The following EBF1 variants were observed in gnomAD, a reference collection of about 807,000 sequenced individuals.
EBF1 encodes EBF transcription factor 1, also known as transcription factor COE1.
A neutral mutation model predicts 68.4 loss-of-function variants in EBF1; 10 were observed. The ratio of observed to expected loss-of-function variants is 0.15; its 90% confidence interval spans 0.09 to 0.25. The LOEUF is 0.25. Among genes scored for constraint, EBF1 ranks in the 10% least tolerant of loss-of-function variants. EBF1 has a pLI of 1.00. For synonymous variants in EBF1, 298 were observed against 299.8 expected, an observed-to-expected ratio of 0.99 and a Z score of 0.06; for missense variants, 509 against 794.4, an observed-to-expected ratio of 0.64 and a Z score of 4.32.
chr5:158,703,419 T>C (rs900960469), intron 15 of EBF1, among the ~76,000 whole-genome samples: 8 of 152,186 alleles, frequency 5.3e-5, no homozygotes, highest in Non-Finnish European at 1.2e-4. Flanking sequence ...GCAAACAAGT[T>C]TGCCAAACTA....
intron 6 of EBF1, among the ~76,000 whole-genome samples, chr5:158,947,915 CA>C: frequency 6.6e-6 from 1 of 152,330 alleles, no homozygotes. Context: ...ACTCCATTAA[CA>C]ACCAGCTTTT....
chr5:158,787,272 A>G (rs965231932), intron 9 of EBF1, among the ~76,000 whole-genome samples: 5 of 152,140 alleles, frequency 3.3e-5, no homozygotes, highest in Non-Finnish European at 5.9e-5. Flanking sequence ...ACAGTAATAT[A>G]GTTCTGTGTT....
intron 6 of EBF1, among the ~76,000 whole-genome samples, chr5:158,972,893 CTG>C (rs1755932024): frequency 2.0e-5 from 3 of 152,224 alleles, no homozygotes; most frequent in Non-Finnish European, 2.9e-5. Flanking sequence ...CTTTCCTGCC[CTG>C]TGTTTGCTTC....
rs529924917 is a variant in EBF1, at chr5:158,907,292, G to A, written c.555-67182C>T. On this transcript the variant is annotated intron_variant, in intron 6 of 15. Coordinates refer to ENST00000313708, the MANE Select transcript of EBF1 (RefSeq NM_024007.5). ...ACTCACAGGGTGGCATTAGTATGGTGTTCTTAGCTCTAAAAAGCCACCAAA... is the reference window on the plus strand; with the variant it reads ...ACTCACAGGGTGGCATTAGTATGGTATTCTTAGCTCTAAAAAGCCACCAAA... 5.9e-5 allele frequency among the ~76,000 whole-genome samples: 9 copies of A among 152,312 alleles called. No individual in the cohort carries two copies. The South Asian group carries it at 1.5e-3, about 25-fold the overall frequency.
At chr5:158,894,085 C>T (rs1801709454) in intron 6 of EBF1, among the ~76,000 whole-genome samples, 1 of 152,048 alleles carries the variant, frequency 6.6e-6, no homozygotes, top group South Asian at 2.1e-4. Flanking sequence ...TACTAAAACT[C>T]CTGCAAATGA....
chr5:159,053,589 C>CCTCT (rs749364237), intron 6 of EBF1, among the ~76,000 whole-genome samples: 6 of 147,422 alleles, frequency 4.1e-5, no homozygotes, highest in Middle Eastern at 3.5e-3. Flanking sequence ...CCCCTCTCTC[C>CCTCT]CTCTCTCTCT....
chr5:159,080,669 A>G (rs764992239), intron 5 of EBF1, among the ~76,000 whole-genome samples: 1 of 152,246 alleles, frequency 6.6e-6, no homozygotes, highest in Non-Finnish European at 1.5e-5. Context: ...ATAACAGTAG[A>G]TATTCAGTAC....
In EBF1 at chr5:158,839,615, TCAAA is replaced by T. The variant is rs555262740; in HGVS notation, c.636+410_636+413del. 5.9e-3 allele frequency among the ~76,000 whole-genome samples: 897 copies of T among 152,336 alleles called. 13 individuals are homozygous for T. Among genetic ancestry groups the T allele is most frequent in the African/African-American group, 0.021 (861 of 41,576 alleles). ...CCAGGCTGGTCTTGAACTCTTAAAC[TCAAA>T]CAATCTGCCTACCTTAGCCTCCCAA... is the stretch of plus-strand genomic sequence containing the variant. On this transcript the variant is annotated intron_variant, in intron 7 of 15. Transcript: ENST00000313708.
At chr5:158,863,851 A>C (rs1795389611) in intron 6 of EBF1, among the ~76,000 whole-genome samples, 1 of 152,188 alleles carries the variant, frequency 6.6e-6, no homozygotes, top group Non-Finnish European at 1.5e-5. Flanking sequence ...AAATGATGCC[A>C]AAGTCTCATG....
At chr5:159,004,533 AGTAGGTAGGTAG>A (rs35066031) in intron 6 of EBF1, among the ~76,000 whole-genome samples, 95 of 150,498 alleles carry the variant, frequency 6.3e-4, no homozygotes, top group African/African-American at 1.1e-3. Flanking sequence ...ACAGAGAGGT[AGTAGGTAGGTAG>A]GTAGGTAGGT....
chr5:158,719,873 A>C (rs1020792378), intron 11 of EBF1, among the ~76,000 whole-genome samples: 4 of 152,226 alleles, frequency 2.6e-5, no homozygotes, highest in Middle Eastern at 3.4e-3. Flanking sequence ...GCTTGGCTTT[A>C]TGCTTACCCA....
chr5:158,866,869 ATATATATATATATATATATATATAT>A (rs1796010358), intron 6 of EBF1, among the ~76,000 whole-genome samples: 1 of 95,642 alleles, frequency 1.0e-5, no homozygotes, highest in Non-Finnish European at 2.2e-5. Flanking sequence ...ATATATATAT[ATATATATATATATATATATATATAT>A]AAAGCCACAT....
intron 4 of EBF1, among the ~76,000 whole-genome samples, chr5:159,090,971 T>C (rs904964739): frequency 1.4e-4 from 22 of 152,118 alleles, no homozygotes; most frequent in African/African-American, 5.1e-4. Flanking sequence ...ATTCCAAACA[T>C]TGATGTATTT....
chr5:159,049,654 G>T (rs987237682), intron 6 of EBF1, among the ~76,000 whole-genome samples: 4 of 152,180 alleles, frequency 2.6e-5, no homozygotes, highest in African/African-American at 9.7e-5. Flanking sequence ...CCCCAGAATT[G>T]CTGTCCCTTT....
intron 15 of EBF1, among the ~76,000 whole-genome samples, chr5:158,703,408 G>A (rs1226352106): frequency 6.6e-6 from 1 of 152,042 alleles, no homozygotes; most frequent in Non-Finnish European, 1.5e-5. Flanking sequence ...GGACTCTGTA[G>A]GCAAACAAGT....
chr5:159,078,921 G>A (rs1219571139), intron 5 of EBF1, among the ~76,000 whole-genome samples: 1 of 152,144 alleles, frequency 6.6e-6, no homozygotes, highest in East Asian at 1.9e-4. Flanking sequence ...TCCCAGTCAT[G>A]GAATCGGCAG....
intron 6 of EBF1, among the ~76,000 whole-genome samples, chr5:159,028,730 T>C (rs887969128): frequency 2.0e-5 from 3 of 152,080 alleles, no homozygotes; most frequent in African/African-American, 7.2e-5. Context: ...GATGACTGGG[T>C]GGCTTGATGG....
chr5:159,007,876 A>G (rs987086489), intron 6 of EBF1, among the ~76,000 whole-genome samples: 4 of 152,262 alleles, frequency 2.6e-5, no homozygotes, highest in Admixed American at 1.3e-4. Flanking sequence ...TATGAAGGAA[A>G]GAAAAATCTT....
At chr5:158,952,284 G>A (rs1360057398) in intron 6 of EBF1, among the ~76,000 whole-genome samples, 1 of 152,142 alleles carries the variant, frequency 6.6e-6, no homozygotes, top group African/African-American at 2.4e-5. Flanking sequence ...AAATCATTTG[G>A]ACAAAAGTCA....
Sources: gnomAD v4.1 joint callset for allele counts (sites outside exome capture counted in the v4.1 genomes callset) on GRCh38, gnomAD v4.1.1 for gene constraint, MANE v1.5 for transcripts, NCBI Gene and HGNC (gene_info 2026-07-23, HGNC 2026-07-21) for gene names.